Variants in CA10 observed in about 807,000 individuals in gnomAD.
The protein encoded by CA10 is carbonic anhydrase-related protein 10.
CA10 carries 14 observed loss-of-function variants against 44.2 expected under a neutral mutation model. That is an observed-to-expected ratio of 0.32 (90% CI 0.21 to 0.50). The LOEUF (loss-of-function observed/expected upper bound fraction) is 0.50. Ranked by LOEUF, CA10 falls within the 20% of genes least tolerant of loss-of-function variation. The pLI, the probability that CA10 is intolerant of heterozygous loss-of-function variation, is 0.99. For synonymous variants in CA10, 159 were observed against 141.6 expected (o/e 1.12, Z -0.87); for missense variants, 350 against 409.7 (o/e 0.85, Z 1.26).
intron 2 of CA10, among the ~76,000 whole-genome samples, chr17:52,032,651 A>G (rs1257077888): frequency 6.6e-6 from 1 of 152,184 alleles, no homozygotes; most frequent in African/African-American, 2.4e-5. Context: ...TGAAAAGAGA[A>G]TAAAATATGA....
At chr17:51,933,853 G>A (rs1248300863) in intron 2 of CA10, among the ~76,000 whole-genome samples, 1 of 152,148 alleles carries the variant, frequency 6.6e-6, no homozygotes, top group Admixed American at 6.5e-5. Context: ...GTGGCAACAT[G>A]GGTGGGCAGC....
intron 4 of CA10, among the ~76,000 whole-genome samples, chr17:51,717,363 T>C (rs979997187): frequency 2.6e-5 from 4 of 151,760 alleles, no homozygotes; most frequent in Admixed American, 6.6e-5. Context: ...AAATGAACCA[T>C]GTGATTAAAA....
chr17:51,654,747 G>A (rs918784648), intron 4 of CA10, among the ~76,000 whole-genome samples: 5 of 151,906 alleles, frequency 3.3e-5, no homozygotes, highest in East Asian at 1.9e-4. Context: ...TAGTAGAGAC[G>A]GGGTTTCACC....
At chr17:51,802,645 G>C (rs181785977) in intron 3 of CA10, among the ~76,000 whole-genome samples, 215 of 151,302 alleles carry the variant, frequency 1.4e-3, no homozygotes, top group Admixed American at 3.2e-3. Context: ...TAATCCTGAA[G>C]TTGGGAGGAA....
intron 4 of CA10, among the ~76,000 whole-genome samples, chr17:51,718,224 TTTAAAATGAAAAAAAGATTTAAAA>T (rs534473478): frequency 0.023 from 534 of 23,318 alleles, 16 homozygotes; most frequent in Admixed American, 0.22. Context: ...GAAAAAAAGA[TTTAAAATGAAAAAAAGATTTAAAA>T]TGAAATAAAA....
intron 1 of CA10, among the ~76,000 whole-genome samples, chr17:52,137,945 C>A (rs1989395371): frequency 6.6e-6 from 1 of 152,102 alleles, no homozygotes; most frequent in Non-Finnish European, 1.5e-5. Flanking sequence ...ATTCTGAATA[C>A]CTATCCTATG....
intron 1 of CA10, among the ~76,000 whole-genome samples, chr17:52,129,562 A>G (rs911260498): frequency 2.0e-5 from 3 of 152,208 alleles, no homozygotes; most frequent in African/African-American, 7.2e-5. Context: ...CTGGTTCTAG[A>G]ATCTAAGAGC....
intron 4 of CA10, among the ~76,000 whole-genome samples, chr17:51,686,641 T>C (rs531493832): frequency 1.3e-5 from 2 of 152,300 alleles, no homozygotes; most frequent in Admixed American, 6.5e-5. Context: ...CTACAGGTAA[T>C]TCCAAGATGC....
chr17:51,680,906 A>G (rs1368540545), intron 4 of CA10, among the ~76,000 whole-genome samples: 1 of 149,270 alleles, frequency 6.7e-6, no homozygotes, highest in Non-Finnish European at 1.5e-5. Flanking sequence ...AGACCAAAAG[A>G]CTTCCATTTC....
chr17:51,872,966 A>T (rs546577362), intron 3 of CA10, among the ~76,000 whole-genome samples: 1 of 152,288 alleles, frequency 6.6e-6, no homozygotes, highest in Admixed American at 6.5e-5. Context: ...TGTCTCAGGG[A>T]GTGTTGAGAG....
chr17:51,902,316 CAG>C (rs1218526404), intron 3 of CA10, among the ~76,000 whole-genome samples: 1 of 152,070 alleles, frequency 6.6e-6, no homozygotes, highest in Non-Finnish European at 1.5e-5. Context: ...ATAGATTGCT[CAG>C]AGATAGAAAG....
intron 4 of CA10, among the ~76,000 whole-genome samples, chr17:51,727,675 G>A (rs1158084762): frequency 1.3e-5 from 2 of 152,022 alleles, no homozygotes; most frequent in Non-Finnish European, 2.9e-5. Flanking sequence ...GTTTGATAAA[G>A]CACTTTAAAT....
At chr17:52,142,452 A>T (rs1428060365) in intron 1 of CA10, among the ~76,000 whole-genome samples, 1 of 152,164 alleles carries the variant, frequency 6.6e-6, no homozygotes, top group Non-Finnish European at 1.5e-5. Flanking sequence ...TACTGTACTA[A>T]ATGCTTTACT....
intron 1 of CA10, among the ~76,000 whole-genome samples, chr17:52,130,015 A>C (rs1989198591): frequency 6.6e-6 from 1 of 152,222 alleles, no homozygotes. Flanking sequence ...TTCAAAAGAA[A>C]GCATATAAAG....
chr17:51,711,053 T>C (rs1040214595), intron 4 of CA10, among the ~76,000 whole-genome samples: 2 of 150,704 alleles, frequency 1.3e-5, no homozygotes, highest in Admixed American at 1.3e-4. Context: ...GTTAATTAAA[T>C]GGTTCAGTAA....
At chr17:51,889,369 A>T (rs969542756) in intron 3 of CA10, among the ~76,000 whole-genome samples, 1 of 152,036 alleles carries the variant, frequency 6.6e-6, no homozygotes, top group Non-Finnish European at 1.5e-5. Context: ...GAAAAATACA[A>T]AAAAATTAGC....
At chr17:52,103,043 T>C (rs886861944) in intron 1 of CA10, among the ~76,000 whole-genome samples, 1 of 152,128 alleles carries the variant, frequency 6.6e-6, no homozygotes, top group Non-Finnish European at 1.5e-5. Context: ...GGTTTACACT[T>C]TTAGAATTGT....
At chr17:51,756,137 A>G (rs1224754995) in intron 3 of CA10, among the ~76,000 whole-genome samples, 6 of 152,064 alleles carry the variant, frequency 3.9e-5, no homozygotes, top group African/African-American at 1.2e-4. Context: ...ATAAAAATAC[A>G]TAACTATAAA....
chr17:52,066,531 A>G (rs1220871449), intron 2 of CA10, among the ~76,000 whole-genome samples: 1 of 152,118 alleles, frequency 6.6e-6, no homozygotes, highest in African/African-American at 2.4e-5. Context: ...GGTTTTATAG[A>G]CGGGAGTTCC....
Sources: allele counts gnomAD v4.1 joint callset (sites outside exome capture counted in the v4.1 genomes callset), GRCh38; gene constraint gnomAD v4.1.1; transcripts MANE v1.5; gene names NCBI Gene and HGNC (gene_info 2026-07-23, HGNC 2026-07-21).